Variants in FBXW11 observed in about 807,000 individuals in gnomAD.
FBXW11 encodes F-box/WD repeat-containing protein 11.
Under a neutral mutation model 77.6 loss-of-function variants are expected in FBXW11, and 19 were observed. The observed-to-expected ratio is 0.24, with a 90% CI of 0.17 to 0.36. FBXW11 has a LOEUF of 0.36. Among genes scored for constraint, FBXW11 ranks in the 10% least tolerant of loss-of-function variants. The pLI is 1.00. For synonymous variants in FBXW11, 235 were observed against 249.4 expected, an observed-to-expected ratio of 0.94 and a Z score of 0.54; for missense variants, 334 against 704.2, an observed-to-expected ratio of 0.47 and a Z score of 5.95.
chr5:171,997,003 T>A, intron 1 of FBXW11: 4 of 1,289,846 alleles, frequency 3.1e-6, no homozygotes, highest in Non-Finnish European at 3.0e-6. Flanking sequence ...TCTTTCCGTT[T>A]ACTGTATCCA....
chr5:171,946,366 C>T (rs919314753), intron 2 of FBXW11, among the ~76,000 whole-genome samples: 3 of 152,184 alleles, frequency 2.0e-5, no homozygotes, highest in Non-Finnish European at 2.9e-5. Context: ...GTAGAGGGAT[C>T]CTGTCAAGAC....
At chr5:171,999,941 G>A (rs749814673) in intron 1 of FBXW11, among the ~76,000 whole-genome samples, 3 of 151,972 alleles carry the variant, frequency 2.0e-5, no homozygotes, top group African/African-American at 7.3e-5. Context: ...AACGCTTCCC[G>A]CTGACATCAC....
chr5:171,899,586 ACTAT>A (rs1272009543), intron 5 of FBXW11, among the ~76,000 whole-genome samples: 2 of 152,216 alleles, frequency 1.3e-5, no homozygotes, highest in Non-Finnish European at 2.9e-5. Flanking sequence ...GCAAAATGGC[ACTAT>A]CTGACTTTCT....
intron 2 of FBXW11, among the ~76,000 whole-genome samples, chr5:171,945,065 G>C (rs1036054877): frequency 2.6e-5 from 4 of 152,136 alleles, no homozygotes; most frequent in African/African-American, 7.2e-5. Flanking sequence ...CTTGGATTCT[G>C]GTGGGGGAAA....
chr5:171,975,877 G>A (rs1764801865), intron 1 of FBXW11, among the ~76,000 whole-genome samples: 2 of 152,132 alleles, frequency 1.3e-5, no homozygotes, highest in Admixed American at 6.5e-5. Context: ...CACAGATTTC[G>A]AACCAAATAT....
At chr5:171,906,333 A>T (rs1760518529) in intron 4 of FBXW11, among the ~76,000 whole-genome samples, 1 of 152,168 alleles carries the variant, frequency 6.6e-6, no homozygotes, top group African/African-American at 2.4e-5. Context: ...CCCTCAACGG[A>T]TGCCTTTCAC....
intron 2 of FBXW11, among the ~76,000 whole-genome samples, chr5:171,956,791 A>G (rs1475761252): frequency 1.3e-5 from 2 of 152,250 alleles, no homozygotes. Context: ...ATATGCAGTG[A>G]TGAAAACTGA....
chr5:171,979,443 TCTTA>T (rs1348851057), intron 1 of FBXW11, among the ~76,000 whole-genome samples: 4 of 152,212 alleles, frequency 2.6e-5, no homozygotes, highest in African/African-American at 7.2e-5. Context: ...TCTTTTTCCA[TCTTA>T]CTTTACGTTT....
chr5:171,990,840 G>C (rs1384748793), intron 1 of FBXW11, among the ~76,000 whole-genome samples: 2 of 151,652 alleles, frequency 1.3e-5, no homozygotes, highest in African/African-American at 4.8e-5. Context: ...ACTCCCTTTT[G>C]CACTTTTTGA....
At chr5:171,989,861 A>G (rs1348888739) in intron 1 of FBXW11, among the ~76,000 whole-genome samples, 3 of 152,200 alleles carry the variant, frequency 2.0e-5, no homozygotes, top group Non-Finnish European at 4.4e-5. Flanking sequence ...CTTAGATGTG[A>G]AAACAGTATT....
intron 1 of FBXW11, among the ~76,000 whole-genome samples, chr5:171,986,499 G>A (rs1284201566): frequency 1.3e-5 from 2 of 151,084 alleles, no homozygotes; most frequent in Non-Finnish European, 2.9e-5. Flanking sequence ...GGCCAAGGAG[G>A]ATGGATCATC....
At chr5:171,878,280 A>G in intron 7 of FBXW11, 151 bp from the exon 8 acceptor site, 1 of 618,476 alleles carries the variant, frequency 1.6e-6, no homozygotes, top group Admixed American at 3.0e-5. Flanking sequence ...AAGAAATGAC[A>G]AGAAGGAATA....
intron 13 of FBXW11, among the ~76,000 whole-genome samples, chr5:171,866,614 T>C (rs1433417486): frequency 3.9e-5 from 6 of 152,184 alleles, no homozygotes; most frequent in Admixed American, 6.5e-5. Context: ...AGGTAATATA[T>C]AGATGTTGTC....
intron 13 of FBXW11, chr5:171,867,857 T>C (rs1757510371): frequency 6.6e-6 from 1 of 152,232 alleles, no homozygotes; most frequent in Non-Finnish European, 1.5e-5. Context: ...TAAACATTTA[T>C]TCAATCTACA....
intron 1 of FBXW11, among the ~76,000 whole-genome samples, chr5:171,989,565 G>A (rs528383566): frequency 1.2e-4 from 18 of 152,312 alleles, no homozygotes; most frequent in African/African-American, 3.1e-4. Flanking sequence ...ATGACACCAC[G>A]AGGAAATAAT....
Position 171,967,855 on chromosome 5 carries a change from CAT to C in FBXW11, c.46-10159_46-10158del, listed in dbSNP as rs375683631. On this transcript the variant is annotated intron_variant, in intron 1 of 13. Coordinates refer to ENST00000517395, the MANE Select transcript of FBXW11 (RefSeq NM_001378974.1). The stretch of plus-strand genomic sequence containing the variant: ...ACTCTGTCTCAAAAAAAAAAAAATG[CAT>C]ATATATATATATATATATATATATA... Among the ~76,000 whole-genome samples the C allele has an allele frequency of 4.0e-4, 48 of 118,530 alleles. 3 individuals are homozygous for C. The South Asian group carries it at 7.4e-3, about 18-fold the overall frequency. The allele number at this position is 118,530 out of a possible 152,430, so 77.8% of individuals were successfully genotyped here. A position where few individuals can be genotyped will look rare whatever the true frequency, so the allele number is the denominator to read the frequency against.
chr5:171,864,143 A>T (rs771400183), intron 13 of FBXW11, 42 bp from the exon 14 acceptor site: 2 of 152,258 alleles, frequency 1.3e-5, no homozygotes, highest in African/African-American at 2.4e-5. Context: ...GTGGGTGAAC[A>T]TTCCGTTTAG....
At chr5:171,889,803 G>A (rs181814552) in intron 7 of FBXW11, among the ~76,000 whole-genome samples, 3 of 152,140 alleles carry the variant, frequency 2.0e-5, no homozygotes, top group East Asian at 1.9e-4. Flanking sequence ...CAGGATAATC[G>A]CTCAAACCCG....
At chr5:171,868,818 G>A (rs1350722183) in intron 12 of FBXW11, 22 bp from the exon 13 acceptor site, 1 of 1,593,104 alleles carries the variant, frequency 6.3e-7, no homozygotes, top group South Asian at 1.1e-5. Context: ...AAAACTTCAT[G>A]AATAAAATGA....
Sources: gnomAD v4.1 joint callset for allele counts (sites outside exome capture counted in the v4.1 genomes callset) on GRCh38, gnomAD v4.1.1 for gene constraint, MANE v1.5 for transcripts, NCBI Gene and HGNC (gene_info 2026-07-23, HGNC 2026-07-21) for gene names.